MRTFB: variants seen among roughly 807,000 people sequenced by gnomAD.
The protein encoded by MRTFB is myocardin related transcription factor B, also known as myocardin-related transcription factor B.
In MRTFB, 29 loss-of-function variants were observed where a neutral mutation model predicts 104.2. That is an observed-to-expected ratio of 0.28 (90% CI 0.21 to 0.38). The LOEUF is 0.38. Among genes scored for constraint, MRTFB ranks in the 10% least tolerant of loss-of-function variants. MRTFB has a pLI of 1.00. For missense variants in MRTFB, 1,270 were observed against 1,341.6 expected (o/e 0.95, Z 0.83); for synonymous variants, 535 against 519.5 (o/e 1.03, Z -0.41).
At chr16:14,005,101 C>T in the MRTFB span, among the ~76,000 whole-genome samples, 1 of 152,250 alleles carries the variant, frequency 6.6e-6, no homozygotes, top group Admixed American at 6.5e-5. Context: ...TTCCTTGGCC[C>T]CTGGGGGCTG....
chr16:14,264,640 G>T lies in MRTFB; in HGVS notation c.*3196G>T, dbSNP rs2043884557. 6.6e-6 allele frequency: 1 copy of T among 152,104 alleles called. No individual in the cohort carries two copies. Among genetic ancestry groups the T allele is most frequent in the African/African-American group, 2.4e-5 (1 of 41,404 alleles). The allele number at this position is 152,104 out of a possible 1,614,324, so 9.4% of individuals were successfully genotyped here. On this transcript the variant is annotated 3_prime_UTR_variant, in exon 17 of 17. Coordinates refer to ENST00000571589, the MANE Select transcript of MRTFB (RefSeq NM_001308142.2). ...TCTTATTTAAATTTCCTTTTTAAAAGCCGCATGGTTCTGTGATCCATGTAA... is the reference window on the plus strand; with the variant it reads ...TCTTATTTAAATTTCCTTTTTAAAATCCGCATGGTTCTGTGATCCATGTAA...
At chr16:13,998,968 A>G in the MRTFB span, among the ~76,000 whole-genome samples, 1 of 145,960 alleles carries the variant, frequency 6.9e-6, no homozygotes, top group Non-Finnish European at 1.5e-5. Context: ...TGAGGCAGGC[A>G]GATTGCCTGA....
rs1023935600 is a variant in MRTFB at position 14,183,735 on chromosome 16, T to G, written c.155-26508T>G. On this transcript the variant is annotated intron_variant, in intron 3 of 16. Transcript: ENST00000571589. ...AAATTTGAAATTATTTCAAAAAATT[T>G]TTTTAATAAATGTTCTTTCAGGCAC... is the stretch of plus-strand genomic sequence containing the variant. 2.0e-5 allele frequency among the ~76,000 whole-genome samples: 3 copies of G among 152,296 alleles called. No homozygotes were observed. In the South Asian group the frequency reaches 6.2e-4, roughly 32 times the overall value.
At chr16:14,079,152 T>A (rs2034248642) in intron 1 of MRTFB, 138 bp from the exon 2 acceptor site, 1 of 296,092 alleles carries the variant, frequency 3.4e-6, no homozygotes, top group Non-Finnish European at 6.2e-6. Flanking sequence ...TTACTTTCCT[T>A]CCTGACCATT....
the MRTFB span, among the ~76,000 whole-genome samples, chr16:14,039,428 A>T: frequency 6.6e-6 from 1 of 152,144 alleles, no homozygotes; most frequent in East Asian, 1.9e-4. Context: ...GGTCAGCCCT[A>T]TTCATTGTGG....
At chr16:14,260,815 C>T (rs571963412) in intron 16 of MRTFB, 94 bp from the exon 17 acceptor site, 31 of 1,039,520 alleles carry the variant, frequency 3.0e-5, no homozygotes, top group Middle Eastern at 2.2e-4. Context: ...TAGAAGGAAT[C>T]GCATAATAGC....
At chr16:14,005,485 G>A in the MRTFB span, among the ~76,000 whole-genome samples, 3 of 152,174 alleles carry the variant, frequency 2.0e-5, no homozygotes, top group Admixed American at 1.3e-4. Flanking sequence ...ATCATCACTA[G>A]TTTCAAGGAG....
At chr16:14,060,013 T>C in the MRTFB span, among the ~76,000 whole-genome samples, 1 of 143,052 alleles carries the variant, frequency 7.0e-6, no homozygotes, top group Non-Finnish European at 1.5e-5. Flanking sequence ...TTTTTTTTTT[T>C]TTTTTTTTTT....
chr16:13,999,807 T>G, the MRTFB span, among the ~76,000 whole-genome samples: 5 of 152,180 alleles, frequency 3.3e-5, no homozygotes, highest in Non-Finnish European at 7.4e-5. Context: ...AAATGCTCTT[T>G]ATTATATAAG....
At chr16:14,257,858 A>C (rs367888855) in intron 15 of MRTFB, among the ~76,000 whole-genome samples, 106 of 152,364 alleles carry the variant, frequency 7.0e-4, no homozygotes, top group African/African-American at 2.2e-3. Flanking sequence ...ATTCAGTGAT[A>C]GAAAAAAAGG....
rs551098319 is a variant in MRTFB, at chr16:14,183,821, C to T, written c.155-26422C>T. Among the ~76,000 whole-genome samples the T allele has an allele frequency of 2.1e-3, 326 of 152,104 alleles. 1 individual carries two copies. The highest frequency in any genetic ancestry group is 6.3e-3 in the Admixed American group (96 of 15,264). Reference sequence around the variant, plus strand: ...ACAAAGACACAACTTTTGATATAAACCTACAGCAGAATAATGTGTTTTCTT... The same window carrying T: ...ACAAAGACACAACTTTTGATATAAATCTACAGCAGAATAATGTGTTTTCTT... On this transcript the variant is annotated intron_variant, in intron 3 of 16. Coordinates refer to ENST00000571589, the MANE Select transcript of MRTFB (RefSeq NM_001308142.2).
At chr16:14,068,368 C>G (rs970920364), upstream of MRTFB, among the ~76,000 whole-genome samples, 1 of 152,164 alleles carries the variant, frequency 6.6e-6, no homozygotes, top group African/African-American at 2.4e-5. Context: ...GCACTGGCCA[C>G]CCGGAGGAGA....
chr16:14,116,363 C>A (rs771992647), intron 2 of MRTFB, among the ~76,000 whole-genome samples: 1 of 152,180 alleles, frequency 6.6e-6, no homozygotes, highest in East Asian at 1.9e-4. Flanking sequence ...AAGTACCCTA[C>A]CGTTGTGTTT....
At chr16:14,204,780 CA>C (rs1567455146) in intron 3 of MRTFB, among the ~76,000 whole-genome samples, 2 of 152,200 alleles carry the variant, frequency 1.3e-5, no homozygotes, top group East Asian at 3.9e-4. Flanking sequence ...GCTACAATTG[CA>C]AAAGACAATG....
At chr16:14,049,494 A>T in the MRTFB span, among the ~76,000 whole-genome samples, 1 of 152,210 alleles carries the variant, frequency 6.6e-6, no homozygotes, top group East Asian at 1.9e-4. Context: ...AGACTGAGGA[A>T]CTGTTCCAGA....
At chr16:14,229,103 T>G (rs550090070) in intron 8 of MRTFB, among the ~76,000 whole-genome samples, 1 of 152,342 alleles carries the variant, frequency 6.6e-6, no homozygotes, top group South Asian at 2.1e-4. Flanking sequence ...TAAATGCACT[T>G]TTAAAGCAGG....
intron 3 of MRTFB, among the ~76,000 whole-genome samples, chr16:14,145,567 A>G (rs2038269559): frequency 6.6e-6 from 1 of 152,158 alleles, no homozygotes; most frequent in Non-Finnish European, 1.5e-5. Flanking sequence ...AGAAGCTGGG[A>G]TTTTCCTTTA....
chr16:14,229,450 CATT>C (rs2042161621), intron 8 of MRTFB, among the ~76,000 whole-genome samples: 1 of 152,184 alleles, frequency 6.6e-6, no homozygotes, highest in Non-Finnish European at 1.5e-5. Context: ...AAATTAAAAA[CATT>C]ATTGACTTAA....
intron 9 of MRTFB, among the ~76,000 whole-genome samples, chr16:14,237,443 G>A (rs919984034): frequency 2.0e-5 from 3 of 152,252 alleles, no homozygotes; most frequent in East Asian, 1.9e-4. Context: ...TCGGTTTAAC[G>A]TTGAAGCACA....
Sources: gnomAD v4.1 joint callset for allele counts (sites outside exome capture counted in the v4.1 genomes callset) on GRCh38, gnomAD v4.1.1 for gene constraint, MANE v1.5 for transcripts, NCBI Gene and HGNC (gene_info 2026-07-23, HGNC 2026-07-21) for gene names.